Variants in HEYL observed in about 807,000 individuals in gnomAD.
HEYL encodes the protein hes related family bHLH transcription factor with YRPW motif like, also known as hairy/enhancer-of-split related with YRPW motif-like protein.
A neutral mutation model predicts 18.6 loss-of-function variants in HEYL; 12 were observed. The ratio of observed to expected loss-of-function variants is 0.65; its 90% CI spans 0.41 to 1.05. The LOEUF is 1.05. HEYL is among the 50% of genes least tolerant of loss of function. The pLI, the probability that HEYL is intolerant of heterozygous loss-of-function variation, is 0.00. For synonymous variants in HEYL, 159 were observed against 179.6 expected, an observed-to-expected ratio of 0.89 and a Z score of 0.91; for missense variants, 420 against 444.7, an observed-to-expected ratio of 0.94 and a Z score of 0.50.
intron 1 of HEYL, among the ~76,000 whole-genome samples, chr1:39,635,186 G>C (rs183966635): frequency 1.2e-4 from 18 of 152,308 alleles, no homozygotes; most frequent in African/African-American, 4.1e-4. Flanking sequence ...CCTGGTAAGA[G>C]GTCTATAATA....
intron 4 of HEYL, among the ~76,000 whole-genome samples, chr1:39,627,752 A>G (rs1359441472): frequency 6.6e-6 from 1 of 152,218 alleles, no homozygotes; most frequent in Non-Finnish European, 1.5e-5. Context: ...TCTGTGCCTC[A>G]ATTTCCTTAG....
chr1:39,639,111 C>T (rs891162214), intron 1 of HEYL, among the ~76,000 whole-genome samples: 2 of 152,160 alleles, frequency 1.3e-5, no homozygotes, highest in Non-Finnish European at 2.9e-5. Context: ...TACATGAAAA[C>T]TGCATCCAAA....
chr1:39,632,686 C>T lies in HEYL; in HGVS notation c.110G>A (p.Ser37Asn). Residue 37 changes from serine to asparagine, a missense_variant, in exon 2 of 5, where the codon AGC (serine) becomes AAC (asparagine). Transcript: ENST00000372852. ...SQMARPLSTPSSSQMQARKKH... is the reference protein window; with the variant it reads ...SQMARPLSTPNSSQMQARKKH... ...CTTCCTGGCTTGCATCTGCGAAGAGCTGGGGGTGGACAGCGGCCTGGCCAT... is the reference window on the plus strand; with the variant it reads ...CTTCCTGGCTTGCATCTGCGAAGAGTTGGGGGTGGACAGCGGCCTGGCCAT... The T allele has an allele frequency of 6.2e-7, 1 of 1,613,982 alleles. No individual in the cohort carries two copies. The highest frequency in any genetic ancestry group is 8.5e-7 in the Non-Finnish European group (1 of 1,179,908).
intron 1 of HEYL, among the ~76,000 whole-genome samples, chr1:39,638,472 G>A (rs974387322): frequency 6.6e-6 from 1 of 152,154 alleles, no homozygotes; most frequent in South Asian, 2.1e-4. Flanking sequence ...AAGAAAGAAA[G>A]AATTAACTGA....
At chr1:39,636,278 C>CT (rs1646362285) in intron 1 of HEYL, among the ~76,000 whole-genome samples, 3 of 135,406 alleles carry the variant, frequency 2.2e-5, no homozygotes, top group Non-Finnish European at 4.8e-5. Flanking sequence ...TTTTTCTTTT[C>CT]TTTTTTGAGA....
rs769850441 is a variant in HEYL, at chr1:39,632,674, A to C, written c.122T>G (p.Met41Arg). 6.2e-7 allele frequency: 1 copy of C among 1,613,970 alleles called. No individual in the cohort carries two copies. Among genetic ancestry groups the C allele is most frequent in the Non-Finnish European group, 8.5e-7 (1 of 1,179,928 alleles). Residue 41 changes from methionine (M) to arginine (R), a missense_variant, in exon 2 of 5, where the codon ATG becomes AGG. Transcript: ENST00000372852. ...CCCTCTGTGTTTCTTCCTGGCTTGC[A>C]TCTGCGAAGAGCTGGGGGTGGACAG... ...RPLSTPSSSQ[M>R]QARKKHRGII... is the part of the protein sequence containing the mutation.
Position 39,632,728 on chromosome 1 carries a change from A to G in HEYL, c.81-13T>C. Reference sequence around the variant, plus strand: ...CCTGGCCATCTGGCTGGAAAGGAAAAGAAAAGCTGATTTTTCAGGGCTGGG... The same window carrying G: ...CCTGGCCATCTGGCTGGAAAGGAAAGGAAAAGCTGATTTTTCAGGGCTGGG... On this transcript the variant is annotated splice_polypyrimidine_tract_variant and intron_variant, in intron 1 of 4. Transcript: ENST00000372852. 1 of 1,613,936 alleles carries G rather than the reference A, an allele frequency of 6.2e-7. No individual in the cohort carries two copies. Among genetic ancestry groups the G allele is most frequent in the Non-Finnish European group, 8.5e-7 (1 of 1,179,872 alleles).
rs1646285631 is a variant in HEYL, at chr1:39,624,595, G to C, written c.*1912C>G. The C allele has an allele frequency of 6.6e-6, 1 of 152,496 alleles. No homozygotes were observed. Among genetic ancestry groups the C allele is most frequent in the South Asian group, 2.1e-4 (1 of 4,828 alleles). 9.4% of individuals were successfully genotyped at this position (152,496 alleles called of 1,614,324 possible). A position where few individuals can be genotyped will look rare whatever the true frequency, so the allele number is the denominator to read the frequency against. On this transcript the variant is annotated 3_prime_UTR_variant, in exon 5 of 5. Transcript: ENST00000372852. ...CATGATAACGGGGAAACTGGCCTTT[G>C]CCTTCTGTTACCTCCTCTGTCCCTG...
At position 39,626,779 on chromosome 1, in the gene HEYL, T is replaced by C; in HGVS notation, c.715A>G (p.Ser239Gly). Residue 239 changes from serine to glycine, a missense_variant, in exon 5 of 5, where the codon AGT (serine) becomes GGT (glycine). By Grantham distance (56) the Ser-to-Gly change is moderately conservative. Transcript: ENST00000372852. ...CTCCGGGTGGAAGATGCCCCTCGAC[T>C]GGGCAGCACATTCCTCCGGGCTGGC... The part of the protein sequence containing the change: ...ILPARRNVLP[S>G]RGASSTRRAR... 5 of 1,552,870 alleles carry C rather than the reference T, an allele frequency of 3.2e-6. No homozygotes were observed. The highest frequency in any genetic ancestry group is 4.4e-6 in the Non-Finnish European group (5 of 1,147,018).
intron 3 of HEYL, 79 bp downstream of exon 3, chr1:39,631,414 TCAA>T (rs1334111521): frequency 1.5e-5 from 17 of 1,146,812 alleles, no homozygotes; most frequent in Non-Finnish European, 2.1e-5. Flanking sequence ...CTGCTACCAA[TCAA>T]CAAGAGATGC....
At chr1:39,635,778 A>G (rs1265495128) in intron 1 of HEYL, among the ~76,000 whole-genome samples, 1 of 152,136 alleles carries the variant, frequency 6.6e-6, no homozygotes, top group African/African-American at 2.4e-5. Flanking sequence ...GTCTGTCTGA[A>G]TAGCCCTCCG....
chr1:39,639,633 G>T lies in HEYL; in HGVS notation c.-8C>A. On this transcript the variant is annotated 5_prime_UTR_variant, in exon 1 of 5. Coordinates refer to ENST00000372852, the MANE Select transcript of HEYL (RefSeq NM_014571.4). The stretch of plus-strand genomic sequence containing the variant: ...CTCCTTGGGTCGCTTCATGGCGAAC[G>T]CAGGCTGCCTGGTCTCAGCCCCGCG... 6.5e-7 allele frequency: 1 copy of T among 1,547,346 alleles called. No individual in the cohort carries two copies.
At chr1:39,630,664 T>C (rs975699675) in intron 3 of HEYL, among the ~76,000 whole-genome samples, 2 of 152,202 alleles carry the variant, frequency 1.3e-5, no homozygotes, top group African/African-American at 4.8e-5. Context: ...GCAGAGAGGC[T>C]TGTCACCTCC....
intron 1 of HEYL, among the ~76,000 whole-genome samples, chr1:39,636,596 A>G (rs538337751): frequency 6.6e-6 from 1 of 152,106 alleles, no homozygotes; most frequent in African/African-American, 2.4e-5. Context: ...GGCTTTTGCC[A>G]GTGCACCCCA....
chr1:39,632,586 A>G (rs1646339619), intron 2 of HEYL, 63 bp downstream of exon 2: 8 of 1,446,078 alleles, frequency 5.5e-6, no homozygotes, highest in Non-Finnish European at 1.9e-6. Context: ...CCCCGCCGCC[A>G]GACTGCAGGG....
intron 1 of HEYL, among the ~76,000 whole-genome samples, chr1:39,635,588 A>G (rs1280821635): frequency 6.6e-6 from 1 of 152,138 alleles, no homozygotes; most frequent in African/African-American, 2.4e-5. Context: ...TCTTGGCAAC[A>G]TTATATGTCT....
intron 1 of HEYL, 129 bp from the exon 2 acceptor site, chr1:39,632,844 G>A (rs1646341778): frequency 6.6e-7 from 1 of 1,518,564 alleles, no homozygotes; most frequent in African/African-American, 1.4e-5. Context: ...TTCTTCCTGG[G>A]GGCTCATTTC....
At chr1:39,628,108 C>T (rs537559788) in intron 4 of HEYL, among the ~76,000 whole-genome samples, 17 of 152,180 alleles carry the variant, frequency 1.1e-4, no homozygotes, top group African/African-American at 2.9e-4. Flanking sequence ...GGTCTCATGA[C>T]GATGGCAGCA....
chr1:39,626,978 G>A lies in HEYL; in HGVS notation c.516C>T (p.Phe172=), dbSNP rs765069844. The A allele has an allele frequency of 2.5e-6, 4 of 1,614,176 alleles. No individual in the cohort carries two copies. The highest frequency in any genetic ancestry group is 3.4e-6 in the Non-Finnish European group (4 of 1,179,998). ...PSPTPTGPLA[F]PAWPWSFFHS... is the part of the protein sequence containing the mutation. ...GGAAGAAAGACCAGGGCCAGGCAGG[G>A]AAGGCCAAAGGGCCAGTGGGCGTGG... The change falls in exon 5 of 5, where the codon TTC becomes TTT. Residue 172 remains phenylalanine, a synonymous_variant. Transcript: ENST00000372852.
Sources: allele counts gnomAD v4.1 joint callset (sites outside exome capture counted in the v4.1 genomes callset), GRCh38; gene constraint gnomAD v4.1.1; transcripts MANE v1.5; gene names NCBI Gene and HGNC (gene_info 2026-07-23, HGNC 2026-07-21).